Variants in TTBK2 observed in about 807,000 individuals in gnomAD.
TTBK2 encodes the protein tau tubulin kinase 2.
A neutral mutation model predicts 110.8 loss-of-function variants in TTBK2; 28 were observed. The ratio of observed to expected loss-of-function variants is 0.25; its 90% CI spans 0.19 to 0.35. TTBK2 has a LOEUF of 0.35. TTBK2 is among the 10% of genes least tolerant of loss of function. TTBK2 has a pLI of 1.00. For synonymous variants in TTBK2, 532 were observed against 527.3 expected, an observed-to-expected ratio of 1.01 and a Z score of -0.12; for missense variants, 1,369 against 1,500.3, an observed-to-expected ratio of 0.91 and a Z score of 1.45.
chr15:42,755,915 G>A (rs1384913947), intron 13 of TTBK2, among the ~76,000 whole-genome samples: 2 of 152,170 alleles, frequency 1.3e-5, no homozygotes, highest in African/African-American at 4.8e-5. Context: ...TCAAAATCGG[G>A]CCAGGTGTGG....
chr15:42,826,309 A>T (rs1262646439), intron 6 of TTBK2, among the ~76,000 whole-genome samples: 1 of 152,102 alleles, frequency 6.6e-6, no homozygotes, highest in Non-Finnish European at 1.5e-5. Context: ...TTAAAGAAGG[A>T]GACAGATCCC....
chr15:42,777,400 TAACTC>T (rs1173913529), intron 11 of TTBK2, among the ~76,000 whole-genome samples, 158 bp from the exon 12 acceptor site: 1 of 152,246 alleles, frequency 6.6e-6, no homozygotes, highest in East Asian at 1.9e-4. Flanking sequence ...TCTTATCTAT[TAACTC>T]TTTATTAAAT....
intron 13 of TTBK2, among the ~76,000 whole-genome samples, chr15:42,766,244 G>A (rs2140698257): frequency 6.6e-6 from 1 of 151,910 alleles, no homozygotes; most frequent in Admixed American, 6.6e-5. Context: ...ACATCATAAT[G>A]ACAGGATCAA....
chr15:42,781,454 T>C (rs1890175159), intron 11 of TTBK2, among the ~76,000 whole-genome samples: 1 of 152,264 alleles, frequency 6.6e-6, no homozygotes, highest in Non-Finnish European at 1.5e-5. Context: ...TTCTACTTTC[T>C]TGAGGTAGGA....
At chr15:42,871,527 G>A in intron 3 of TTBK2, 1 of 985,338 alleles carries the variant, frequency 1.0e-6, no homozygotes, top group Non-Finnish European at 1.2e-6. Context: ...TACCCTTCAT[G>A]GGCTTGGCTG....
intron 1 of TTBK2, among the ~76,000 whole-genome samples, chr15:42,881,977 G>A (rs1895068050): frequency 6.6e-6 from 1 of 152,078 alleles, no homozygotes; most frequent in Admixed American, 6.5e-5. Context: ...TAAAGAGTCA[G>A]TAAACTGGAA....
At position 42,748,748 on chromosome 15, in the gene TTBK2, A is replaced by G. The variant is rs1002662429; in HGVS notation, c.3273-2491T>C. ...CTCTTCACTGGTTTACCACCTCCCA[A>G]TATTTTCCCCTCTTCCTCAAAATAT... On this transcript the variant is annotated intron_variant, in intron 14 of 14. Transcript: ENST00000267890. Among the ~76,000 whole-genome samples the G allele has an allele frequency of 6.6e-5, 10 of 152,172 alleles. 1 individual carries two copies. The highest frequency in any genetic ancestry group is 4.6e-4 in the Admixed American group (7 of 15,280).
At chr15:42,811,887 A>G in intron 7 of TTBK2, 107 bp from the exon 8 acceptor site, 1 of 906,868 alleles carries the variant, frequency 1.1e-6, no homozygotes. Flanking sequence ...TAAAAATGTA[A>G]ATTTATTTCC....
In TTBK2 at chr15:42,745,989, A is replaced by C. The variant is rs770503390; in HGVS notation, c.3541T>G (p.Ser1181Ala). 2.4e-5 allele frequency: 38 copies of C among 1,613,870 alleles called. No homozygotes were observed. Among genetic ancestry groups the C allele is most frequent in the Non-Finnish European group, 3.1e-5 (37 of 1,179,970 alleles). ...AGRPHHDQRS[S>A]SPHLGRSKSP... ...TTGCTTCTCCCCAGATGTGGGGACG[A>C]ACTCCTCTGGTCATGGTGGGGCCGT... The change falls in exon 15 of 15, where the codon TCG becomes GCG. Residue 1181 changes from serine (S) to alanine (A), a missense_variant. Physicochemically the swap from Ser to Ala is moderately conservative, Grantham distance 99 (BLOSUM62 1). This residue lies in a region of TTBK2 where 1,097 missense variants were observed against 1,114.7 expected (regional missense o/e 0.98). Transcript: ENST00000267890.
chr15:42,792,539 A>G (rs917879762), intron 10 of TTBK2, among the ~76,000 whole-genome samples: 2 of 152,140 alleles, frequency 1.3e-5, no homozygotes, highest in Admixed American at 1.3e-4. Context: ...TTTCCTTATT[A>G]GCATGGGTTT....
intron 3 of TTBK2, among the ~76,000 whole-genome samples, chr15:42,861,981 T>C (rs1894175986): frequency 6.6e-6 from 1 of 151,964 alleles, no homozygotes; most frequent in South Asian, 2.1e-4. Context: ...AACTAGAAAA[T>C]CTAGAGGACA....
intron 10 of TTBK2, among the ~76,000 whole-genome samples, chr15:42,785,115 ATTTTTTTTT>A (rs199963873): frequency 9.8e-6 from 1 of 102,194 alleles, no homozygotes; most frequent in Non-Finnish European, 1.9e-5. Context: ...TCACTTGCAG[ATTTTTTTTT>A]TTTTTTTTTT....
At chr15:42,774,308 G>C (rs1019919036) in intron 13 of TTBK2, among the ~76,000 whole-genome samples, 20 of 152,134 alleles carry the variant, frequency 1.3e-4, no homozygotes, top group African/African-American at 4.8e-4. Flanking sequence ...ACCTGTGGGT[G>C]CCTAAGATTT....
intron 13 of TTBK2, among the ~76,000 whole-genome samples, chr15:42,770,096 C>A (rs1889599211): frequency 8.3e-6 from 1 of 120,098 alleles, no homozygotes; most frequent in Non-Finnish European, 1.7e-5. Flanking sequence ...ACACCAGGGC[C>A]TGTCGTGGGG....
intron 1 of TTBK2, among the ~76,000 whole-genome samples, chr15:42,883,389 A>G (rs1404011864): frequency 6.6e-6 from 1 of 151,858 alleles, no homozygotes; most frequent in African/African-American, 2.4e-5. Context: ...AAAAAAAAAA[A>G]AAAAAAAGTA....
intron 3 of TTBK2, among the ~76,000 whole-genome samples, chr15:42,867,808 C>T (rs1894437683): frequency 1.3e-5 from 2 of 152,294 alleles, no homozygotes; most frequent in East Asian, 3.9e-4. Flanking sequence ...CTCTTATTAT[C>T]AAATCCAGCA....
At chr15:42,899,859 G>A (rs991153212) in intron 1 of TTBK2, among the ~76,000 whole-genome samples, 1 of 151,472 alleles carries the variant, frequency 6.6e-6, no homozygotes, top group South Asian at 2.1e-4. Context: ...CCAAGATCAC[G>A]CCACTGCACT....
At position 42,763,157 on chromosome 15, in the gene TTBK2, C is replaced by CATATATATATAT. The variant is rs1567008803; in HGVS notation, c.1999-9922_1999-9911dup. 3.0e-3 allele frequency among the ~76,000 whole-genome samples: 62 copies of CATATATATATAT among 20,464 alleles called. 1 individual carries two copies. The highest frequency in any genetic ancestry group is 0.024 in the East Asian group (9 of 376). The allele number at this position is 20,464 out of a possible 152,430, so 13.4% of individuals were successfully genotyped here. The stretch of plus-strand genomic sequence containing the variant: ...ATATATACATACATATATATATATA[C>CATATATATATAT]ATATATATATATATATATATATATA... On this transcript the variant is annotated intron_variant, in intron 13 of 14. Coordinates refer to ENST00000267890, the MANE Select transcript of TTBK2 (RefSeq NM_173500.4).
At chr15:42,869,873 C>A (rs931656364) in intron 3 of TTBK2, among the ~76,000 whole-genome samples, 3 of 151,996 alleles carry the variant, frequency 2.0e-5, no homozygotes, top group African/African-American at 7.3e-5. Context: ...TTTGTAAAAA[C>A]CAAGTAAAAT....
Sources: allele counts gnomAD v4.1 joint callset (sites outside exome capture counted in the v4.1 genomes callset), GRCh38; gene constraint gnomAD v4.1.1; regional missense constraint gnomAD v4.1.1; transcripts MANE v1.5; gene names NCBI Gene and HGNC (gene_info 2026-07-23, HGNC 2026-07-21).